The following UTRN variants were observed in gnomAD, a reference collection of about 807,000 sequenced individuals.
The protein encoded by UTRN is utrophin.
A neutral mutation model predicts 463.9 loss-of-function variants in UTRN; 283 were observed. The observed-to-expected ratio is 0.61, with a 90% CI of 0.55 to 0.67. The LOEUF (loss-of-function observed/expected upper bound fraction) is 0.67. UTRN is among the 30% of genes least tolerant of loss of function. The pLI, the probability that UTRN is intolerant of heterozygous loss-of-function variation, is 0.00. For synonymous variants in UTRN, 1,442 were observed against 1,431.5 expected (o/e 1.01, Z -0.17); for missense variants, 3,922 against 4,084.3 (o/e 0.96, Z 1.08).
Position 144,542,807 on chromosome 6 carries a change from G to A in UTRN, c.6532G>A (p.Val2178Met), listed in dbSNP as rs1293729339. ...NMTWNKICRE[V>M]PTTLKECIQE... ...CCTGATGCGGTAGATTTGCAGAGAGGTGCCTACCACCCTGAAGGAATGCAT... is the reference window on the plus strand; with the variant it reads ...CCTGATGCGGTAGATTTGCAGAGAGATGCCTACCACCCTGAAGGAATGCAT... The change falls in exon 46 of 75, where the codon GTG becomes ATG. Residue 2178 changes from valine to methionine, a missense_variant. By Grantham distance (21) the Val-to-Met change is conservative (BLOSUM62 1). Transcript: ENST00000367545. 6.2e-7 allele frequency: 1 copy of A among 1,613,596 alleles called. No homozygotes were observed. Among genetic ancestry groups the A allele is most frequent in the Non-Finnish European group, 8.5e-7 (1 of 1,179,822 alleles).
intron 51 of UTRN, among the ~76,000 whole-genome samples, chr6:144,664,006 C>T (rs1585864586): frequency 6.6e-6 from 1 of 152,014 alleles, no homozygotes. Context: ...ATCTTATGGC[C>T]GAATGGGAGG....
chr6:144,437,689 C>A lies in UTRN; in HGVS notation c.1184C>A (p.Thr395Asn), dbSNP rs751530776. 1.9e-6 allele frequency: 3 copies of A among 1,614,124 alleles called. No individual in the cohort carries two copies. The highest frequency in any genetic ancestry group is 2.2e-5 in the South Asian group (2 of 91,074). ...EEEFEIQEQMTLLNARWEALR... is the reference protein window; with the variant it reads ...EEEFEIQEQMNLLNARWEALR... Reference sequence around the variant, plus strand: ...GAATTTGAGATTCAGGAACAGATGACCCTGCTGAATGCTAGATGGGAGGCT... The same window carrying A: ...GAATTTGAGATTCAGGAACAGATGAACCTGCTGAATGCTAGATGGGAGGCT... The change falls in exon 11 of 75, where the codon ACC becomes AAC. Residue 395 changes from threonine to asparagine, a missense_variant. By Grantham distance (65) the Thr-to-Asn change is moderately conservative. Around this residue, in one of 3 missense-constraint regions of UTRN, gnomAD observed 2,349 missense variants for 2,303.8 expected, o/e 1.02. Coordinates refer to ENST00000367545, the MANE Select transcript of UTRN (RefSeq NM_007124.3).
At chr6:144,474,865 C>G in intron 25 of UTRN, 106 bp downstream of exon 25, 1 of 1,298,486 alleles carries the variant, frequency 7.7e-7, no homozygotes, top group East Asian at 2.4e-5. Context: ...AAACGATGGT[C>G]TAGAATAACT....
chr6:144,582,518 A>G (rs1802063708), intron 51 of UTRN, among the ~76,000 whole-genome samples: 1 of 152,178 alleles, frequency 6.6e-6, no homozygotes, highest in African/African-American at 2.4e-5. Context: ...TTTTTATATG[A>G]TATAATTATG....
At chr6:144,716,193 G>T (rs1270423338) in intron 53 of UTRN, among the ~76,000 whole-genome samples, 1 of 150,978 alleles carries the variant, frequency 6.6e-6, no homozygotes, top group Non-Finnish European at 1.5e-5. Context: ...AAGGGAAAAT[G>T]AATTGGCATA....
intron 52 of UTRN, among the ~76,000 whole-genome samples, chr6:144,695,480 A>C (rs1312141976): frequency 6.6e-6 from 1 of 151,498 alleles, no homozygotes; most frequent in East Asian, 1.9e-4. Flanking sequence ...AGTAGCTGGG[A>C]TTACAGGCAC....
intron 50 of UTRN, among the ~76,000 whole-genome samples, chr6:144,561,024 CTT>C (rs1799816166): frequency 6.6e-6 from 1 of 151,212 alleles, no homozygotes; most frequent in Non-Finnish European, 1.5e-5. Context: ...CTGACCACTA[CTT>C]TTTTTACTTA....
At chr6:144,429,500 G>A in intron 8 of UTRN, 81 bp from the exon 9 acceptor site, 1 of 1,314,796 alleles carries the variant, frequency 7.6e-7, no homozygotes, top group Non-Finnish European at 1.0e-6. Flanking sequence ...ACTAAGGAGA[G>A]TTATTTTATA....
At chr6:144,561,486 G>T (rs1005027169) in intron 50 of UTRN, among the ~76,000 whole-genome samples, 2 of 151,816 alleles carry the variant, frequency 1.3e-5, no homozygotes, top group African/African-American at 2.4e-5. Context: ...CAGTATAACT[G>T]TGTGCTATAA....
At chr6:144,480,439 C>A (rs1160265074) in intron 26 of UTRN, among the ~76,000 whole-genome samples, 1 of 152,160 alleles carries the variant, frequency 6.6e-6, no homozygotes, top group East Asian at 1.9e-4. Flanking sequence ...ACAAAAGAGA[C>A]CTCCCAAGTT....
intron 63 of UTRN, 72 bp from the exon 64 acceptor site, chr6:144,797,752 T>G: frequency 1.3e-6 from 2 of 1,483,854 alleles, no homozygotes; most frequent in Non-Finnish European, 1.8e-6. Context: ...CAGAAGATTA[T>G]GAAGCAACAA....
intron 14 of UTRN, 76 bp from the exon 15 acceptor site, chr6:144,447,135 G>C: frequency 7.3e-7 from 1 of 1,379,148 alleles, no homozygotes; most frequent in South Asian, 1.3e-5. Context: ...ATAAAAGTTA[G>C]AAATTTGGAT....
At chr6:144,424,989 C>T (rs1481110181) in intron 6 of UTRN, among the ~76,000 whole-genome samples, 1 of 152,028 alleles carries the variant, frequency 6.6e-6, no homozygotes, top group Non-Finnish European at 1.5e-5. Flanking sequence ...TGAAATAATA[C>T]AATTATGTAA....
intron 52 of UTRN, among the ~76,000 whole-genome samples, chr6:144,686,300 T>G (rs767932635): frequency 1.3e-5 from 2 of 152,160 alleles, no homozygotes; most frequent in African/African-American, 2.4e-5. Flanking sequence ...AATTGAGACT[T>G]GTTTTGTGGC....
At chr6:144,422,293 A>T (rs935092333) in intron 4 of UTRN, among the ~76,000 whole-genome samples, 2 of 152,228 alleles carry the variant, frequency 1.3e-5, no homozygotes, top group African/African-American at 4.8e-5. Flanking sequence ...GTCTGGAGAC[A>T]AACACATTTA....
rs151072805 is a variant in UTRN at position 144,673,888 on chromosome 6, G to A, written c.7480-4518G>A. On this transcript the variant is annotated intron_variant, in intron 51 of 74. Coordinates refer to ENST00000367545, the MANE Select transcript of UTRN (RefSeq NM_007124.3). ...ATTCATCTGAAAAAGACTTTATCTC[G>A]GCTTAATTTATGAAGCTTAGTTTCA... Among the ~76,000 whole-genome samples, 78 of 152,040 alleles carry A rather than the reference G, an allele frequency of 5.1e-4. 1 individual carries two copies. In the East Asian group the frequency reaches 9.6e-3, roughly 19 times the overall value.
chr6:144,431,966 C>A lies in UTRN; in HGVS notation c.855+2225C>A, dbSNP rs79056431. ...GTGTGTGTTTTCATTTTATTGCAGCCTTCATACTCATTTTTATTTTATTTT... is the reference window on the plus strand; with the variant it reads ...GTGTGTGTTTTCATTTTATTGCAGCATTCATACTCATTTTTATTTTATTTT... On this transcript the variant is annotated intron_variant, in intron 9 of 74. Coordinates refer to ENST00000367545, the MANE Select transcript of UTRN (RefSeq NM_007124.3). 7.2e-3 allele frequency among the ~76,000 whole-genome samples: 1,087 copies of A among 151,946 alleles called. 42 individuals are homozygous for A. The East Asian group carries it at 0.11, about 16-fold the overall frequency.
chr6:144,478,933 G>A (rs1476015605), intron 25 of UTRN, among the ~76,000 whole-genome samples: 2 of 152,042 alleles, frequency 1.3e-5, no homozygotes, highest in Non-Finnish European at 2.9e-5. Flanking sequence ...ATTTTTTACT[G>A]TAACTTTTTT....
intron 2 of UTRN, among the ~76,000 whole-genome samples, chr6:144,374,354 A>G (rs1321648861): frequency 6.6e-6 from 1 of 152,144 alleles, no homozygotes; most frequent in Non-Finnish European, 1.5e-5. Context: ...AAATGTAACT[A>G]AAAGATGCCC....
Sources: gnomAD v4.1 joint callset for allele counts (sites outside exome capture counted in the v4.1 genomes callset) on GRCh38, gnomAD v4.1.1 for gene constraint, gnomAD v4.1.1 regional missense constraint, MANE v1.5 for transcripts, NCBI Gene and HGNC (gene_info 2026-07-23, HGNC 2026-07-21) for gene names.